The following SEMA5B variants were observed in gnomAD, a reference collection of about 807,000 sequenced individuals.
SEMA5B encodes semaphorin 5B.
Under a neutral mutation model 135.0 loss-of-function variants are expected in SEMA5B, and 66 were observed. The ratio of observed to expected loss-of-function variants is 0.49; its 90% CI spans 0.40 to 0.60. The LOEUF is 0.60. SEMA5B is among the 20% of genes least tolerant of loss of function. The probability of loss-of-function intolerance (pLI) is 0.00; values close to 1 mark genes in which losing one functional copy is unlikely to be tolerated. For synonymous variants in SEMA5B, 690 were observed against 639.5 expected (o/e 1.08, Z -1.19); for missense variants, 1,501 against 1,566.3 (o/e 0.96, Z 0.70).
Position 122,911,987 on chromosome 3 carries a change from G to T in SEMA5B, c.2979C>A (p.Leu993=). 6.2e-7 allele frequency: 1 copy of T among 1,613,456 alleles called. No individual in the cohort carries two copies. Residue 993 remains leucine (L), a synonymous_variant, in exon 20 of 23, where the codon CTC becomes CTA. Coordinates refer to ENST00000357599, the MANE Select transcript of SEMA5B (RefSeq NM_001031702.4). Reference sequence around the variant, plus strand: ...TTCCAGCACAGGCGCTGGACCCTGGGAGGAGCTCCTCACAGTGCCGGCTTC... The same window carrying T: ...TTCCAGCACAGGCGCTGGACCCTGGTAGGAGCTCCTCACAGTGCCGGCTTC... The part of the protein sequence containing the change: ...QSRSRHCEEL[L]PGSSACAGNS...
chr3:122,973,799 G>A (rs541691855), intron 1 of SEMA5B, among the ~76,000 whole-genome samples: 1 of 152,106 alleles, frequency 6.6e-6, no homozygotes, highest in African/African-American at 2.4e-5. Context: ...GAGGGGCAGA[G>A]GTATGGGAGT....
intron 2 of SEMA5B, among the ~76,000 whole-genome samples, chr3:122,959,605 C>A (rs1940486047): frequency 6.6e-6 from 1 of 152,210 alleles, no homozygotes; most frequent in South Asian, 2.1e-4. Context: ...AGAATGTTTA[C>A]ACCACTTGGG....
intron 1 of SEMA5B, among the ~76,000 whole-genome samples, chr3:123,009,082 G>C (rs995831702): frequency 1.3e-5 from 2 of 152,192 alleles, no homozygotes; most frequent in African/African-American, 4.8e-5. Context: ...GGACCCGGTG[G>C]ACCCGTGGCA....
intron 4 of SEMA5B, among the ~76,000 whole-genome samples, chr3:122,940,928 T>G (rs1560332569): frequency 2.6e-5 from 4 of 152,220 alleles, no homozygotes; most frequent in Non-Finnish European, 4.4e-5. Flanking sequence ...GCTCACAGCT[T>G]TAACAAATTA....
chr3:122,956,992 G>A (rs571099175), intron 2 of SEMA5B, among the ~76,000 whole-genome samples: 275 of 152,338 alleles, frequency 1.8e-3, no homozygotes, highest in Non-Finnish European at 2.1e-3. Context: ...AGAGGGCACA[G>A]CAGGGGAAAG....
At chr3:122,925,129 G>A (rs1368538562) in intron 9 of SEMA5B, among the ~76,000 whole-genome samples, 2 of 152,004 alleles carry the variant, frequency 1.3e-5, no homozygotes, top group African/African-American at 4.8e-5. Context: ...TAGCTAGCCT[G>A]GCCCTCATCC....
intron 3 of SEMA5B, among the ~76,000 whole-genome samples, chr3:122,946,005 G>A (rs4677868): frequency 0.45 from 67,789 of 151,946 alleles, 15,767 homozygotes; most frequent in Non-Finnish European, 0.52. Context: ...TATTAAACAG[G>A]CCAAGGGGAC....
intron 1 of SEMA5B, among the ~76,000 whole-genome samples, chr3:123,011,677 C>A (rs1295714111): frequency 6.6e-6 from 1 of 152,200 alleles, no homozygotes; most frequent in African/African-American, 2.4e-5. Flanking sequence ...AGGACACACG[C>A]TCCTAACAGA....
intron 1 of SEMA5B, among the ~76,000 whole-genome samples, chr3:122,971,408 C>T (rs1941108170): frequency 6.6e-6 from 1 of 152,270 alleles, no homozygotes; most frequent in Non-Finnish European, 1.5e-5. Context: ...GCCAAAGGCA[C>T]TAATGTGCCC....
rs147968317 is a variant in SEMA5B at position 122,935,686 on chromosome 3, C to CTT, written c.474+3737_474+3738dup. ...CACTTTTTTTTCTTTTTCTTTCTTT[C>CTT]TTTTTTTTTTTTTTTTTTTTTTTTG... On this transcript the variant is annotated intron_variant, in intron 5 of 22. Transcript: ENST00000357599. Among the ~76,000 whole-genome samples the CTT allele has an allele frequency of 3.1e-3, 221 of 70,244 alleles. 7 individuals are homozygous for CTT. The highest frequency in any genetic ancestry group is 9.7e-3 in the African/African-American group (171 of 17,692). 46.1% of individuals were successfully genotyped at this position (70,244 alleles called of 152,430 possible).
intron 1 of SEMA5B, among the ~76,000 whole-genome samples, chr3:122,990,256 T>A (rs1941835419): frequency 6.6e-6 from 1 of 152,134 alleles, no homozygotes; most frequent in Non-Finnish European, 1.5e-5. Context: ...GCCCTCCACC[T>A]TTGAGGACAA....
At chr3:122,999,126 T>C (rs756305967) in intron 1 of SEMA5B, among the ~76,000 whole-genome samples, 3 of 152,218 alleles carry the variant, frequency 2.0e-5, no homozygotes, top group Admixed American at 6.5e-5. Flanking sequence ...GGGAAAGCAA[T>C]GCCACCTCTC....
intron 1 of SEMA5B, among the ~76,000 whole-genome samples, chr3:123,008,087 A>G (rs1303489108): frequency 2.0e-5 from 3 of 152,270 alleles, no homozygotes; most frequent in Non-Finnish European, 4.4e-5. Context: ...CATGATCGGC[A>G]AAGGCACGCA....
At chr3:122,944,751 C>T (rs1446816214) in intron 3 of SEMA5B, among the ~76,000 whole-genome samples, 2 of 152,160 alleles carry the variant, frequency 1.3e-5, no homozygotes, top group African/African-American at 2.4e-5. Flanking sequence ...CTGACTCGCC[C>T]GGTTTCCCTC....
chr3:123,010,108 G>A (rs1169766831), intron 1 of SEMA5B, among the ~76,000 whole-genome samples: 1 of 152,192 alleles, frequency 6.6e-6, no homozygotes, highest in Non-Finnish European at 1.5e-5. Flanking sequence ...GGAGGTGGCT[G>A]GCTCTGGATG....
intron 1 of SEMA5B, among the ~76,000 whole-genome samples, chr3:122,978,946 C>T (rs1941430476): frequency 6.6e-6 from 1 of 152,208 alleles, no homozygotes; most frequent in Admixed American, 6.5e-5. Flanking sequence ...TCCCTTCATG[C>T]TCGTCCTCCT....
chr3:122,926,321 G>T (rs900662367), intron 9 of SEMA5B, 71 bp downstream of exon 9: 10 of 1,444,820 alleles, frequency 6.9e-6, no homozygotes, highest in Non-Finnish European at 9.4e-6. Context: ...TATAGATGAA[G>T]CCCACCAGGC....
rs762714230 is a variant in SEMA5B at position 122,915,877 on chromosome 3, C to A, written c.1702G>T (p.Ala568Ser). Residue 568 changes from alanine to serine, a missense_variant, in exon 13 of 23, where the codon GCC becomes TCC. Coordinates refer to ENST00000357599, the MANE Select transcript of SEMA5B (RefSeq NM_001031702.4). ...TCCCAGCCACAGTACGGGTCCCGGG[C>A]CCCCAGGCATGCCCTGCCAGACAGA... ...AYRSQGACLGARDPYCGWDGK... is the reference protein window; with the variant it reads ...AYRSQGACLGSRDPYCGWDGK... 1 of 1,613,718 alleles carries A rather than the reference C, an allele frequency of 6.2e-7. No individual in the cohort carries two copies. Among genetic ancestry groups the A allele is most frequent in the East Asian group, 2.2e-5 (1 of 44,874 alleles).
At chr3:122,945,536 G>T (rs1012699522) in intron 3 of SEMA5B, among the ~76,000 whole-genome samples, 1 of 152,062 alleles carries the variant, frequency 6.6e-6, no homozygotes, top group Admixed American at 6.5e-5. Flanking sequence ...GTATGTTATG[G>T]TGTATTTGAC....
Sources: gnomAD v4.1 joint callset for allele counts (sites outside exome capture counted in the v4.1 genomes callset) on GRCh38, gnomAD v4.1.1 for gene constraint, MANE v1.5 for transcripts, NCBI Gene and HGNC (gene_info 2026-07-23, HGNC 2026-07-21) for gene names.